EYS: variants seen among roughly 807,000 people sequenced by gnomAD.
The protein encoded by EYS is EGF-like photoreceptor maintenance factor.
EYS carries 250 observed loss-of-function variants against 282.1 expected under a neutral mutation model. The ratio of observed to expected loss-of-function variants is 0.89; its 90% CI spans 0.80 to 0.98. The LOEUF is 0.98. Ranked by LOEUF, EYS falls within the 50% of genes least tolerant of loss-of-function variation. EYS has a pLI of 0.00. For synonymous variants in EYS, 1,355 were observed against 1,282.9 expected, an observed-to-expected ratio of 1.06 and a Z score of -1.20; for missense variants, 4,016 against 3,709.0, an observed-to-expected ratio of 1.08 and a Z score of -2.15.
At chr6:63,729,552 T>A (rs1768728721) in intron 41 of EYS, among the ~76,000 whole-genome samples, 1 of 151,912 alleles carries the variant, frequency 6.6e-6, no homozygotes, top group Admixed American at 6.6e-5. Context: ...CATGTGGATG[T>A]CCATTTCTTC....
chr6:64,463,163 G>A (rs1775810522), intron 26 of EYS, among the ~76,000 whole-genome samples: 1 of 152,088 alleles, frequency 6.6e-6, no homozygotes, highest in East Asian at 1.9e-4. Flanking sequence ...GTGTTAGCCA[G>A]GATGGTCTCG....
At chr6:64,088,926 C>A (rs1772255766) in intron 31 of EYS, among the ~76,000 whole-genome samples, 1 of 151,930 alleles carries the variant, frequency 6.6e-6, no homozygotes, top group Non-Finnish European at 1.5e-5. Context: ...GCTACAAATA[C>A]AATGGGTCAC....
intron 33 of EYS, among the ~76,000 whole-genome samples, chr6:64,018,061 C>A (rs1768981413): frequency 6.6e-6 from 1 of 152,038 alleles, no homozygotes; most frequent in Non-Finnish European, 1.5e-5. Flanking sequence ...AACCTTGGTG[C>A]CAAGTTTATT....
intron 41 of EYS, among the ~76,000 whole-genome samples, chr6:63,739,931 C>T (rs1769030355): frequency 6.6e-6 from 1 of 150,698 alleles, no homozygotes; most frequent in African/African-American, 2.5e-5. Context: ...AACTCCTGAC[C>T]TCGTGATCCA....
intron 35 of EYS, among the ~76,000 whole-genome samples, chr6:63,923,947 C>A (rs1764643650): frequency 6.6e-6 from 1 of 152,018 alleles, no homozygotes; most frequent in South Asian, 2.1e-4. Context: ...ATCTTAATTT[C>A]TAGAATCTGA....
intron 1 of EYS, among the ~76,000 whole-genome samples, chr6:65,663,331 T>C (rs1768071430): frequency 6.6e-6 from 1 of 152,130 alleles, no homozygotes; most frequent in East Asian, 1.9e-4. Flanking sequence ...CTTAGAAAGA[T>C]TGTTAGAGCC....
At chr6:64,987,912 G>T (rs1770915983) in intron 14 of EYS, among the ~76,000 whole-genome samples, 1 of 151,270 alleles carries the variant, frequency 6.6e-6, no homozygotes, top group Admixed American at 6.6e-5. Context: ...TAATACACTT[G>T]TGTTTAATAT....
chr6:65,320,074 G>C (rs561666665), intron 11 of EYS, among the ~76,000 whole-genome samples: 2 of 151,952 alleles, frequency 1.3e-5, no homozygotes, highest in Admixed American at 1.3e-4. Context: ...AGGAGATGGG[G>C]AAGAACTGAC....
chr6:64,219,843 A>G (rs945200749), intron 31 of EYS, among the ~76,000 whole-genome samples: 10 of 152,214 alleles, frequency 6.6e-5, no homozygotes, highest in Non-Finnish European at 1.3e-4. Context: ...ATGGAACACT[A>G]TGCAGCCATA....
intron 13 of EYS, among the ~76,000 whole-genome samples, chr6:65,011,094 C>G (rs1173432526): frequency 6.6e-6 from 1 of 152,188 alleles, no homozygotes. Context: ...GAATGGGGAA[C>G]CTCACAAGGA....
intron 12 of EYS, among the ~76,000 whole-genome samples, chr6:65,221,400 C>A (rs543107882): frequency 6.6e-6 from 1 of 152,274 alleles, no homozygotes; most frequent in East Asian, 1.9e-4. Flanking sequence ...TGCCCTATGT[C>A]CCAGGTGTGG....
chr6:63,927,215 A>T (rs1764741609), intron 35 of EYS, among the ~76,000 whole-genome samples: 1 of 152,206 alleles, frequency 6.6e-6, no homozygotes, highest in South Asian at 2.1e-4. Context: ...TATTTTTAGG[A>T]ATAAACGAGA....
At chr6:64,761,725 G>C (rs1773166212) in intron 22 of EYS, among the ~76,000 whole-genome samples, 1 of 152,168 alleles carries the variant, frequency 6.6e-6, no homozygotes, top group Non-Finnish European at 1.5e-5. Context: ...AAAGTGCTGG[G>C]ATTACAGGCG....
intron 31 of EYS, among the ~76,000 whole-genome samples, chr6:64,178,872 T>C (rs1456666815): frequency 6.6e-6 from 1 of 152,048 alleles, no homozygotes; most frequent in East Asian, 1.9e-4. Flanking sequence ...TAAACCAAGT[T>C]TGGCCTCCAA....
intron 12 of EYS, among the ~76,000 whole-genome samples, chr6:65,193,565 G>A (rs1765694163): frequency 6.6e-6 from 1 of 151,656 alleles, no homozygotes; most frequent in Non-Finnish European, 1.5e-5. Flanking sequence ...AACAAGTTCT[G>A]TATATAAGCT....
At chr6:63,833,001 T>C (rs568152229) in intron 36 of EYS, among the ~76,000 whole-genome samples, 1 of 152,198 alleles carries the variant, frequency 6.6e-6, no homozygotes, top group East Asian at 1.9e-4. Context: ...AAAAGGCCTT[T>C]GACAAAATTC....
chr6:64,617,799 A>G (rs1767323340), intron 23 of EYS, among the ~76,000 whole-genome samples: 1 of 152,176 alleles, frequency 6.6e-6, no homozygotes. Flanking sequence ...GAGTACATGT[A>G]TGATATGTCT....
intron 12 of EYS, among the ~76,000 whole-genome samples, chr6:65,111,783 G>A (rs1266242044): frequency 6.6e-6 from 1 of 152,146 alleles, no homozygotes; most frequent in Non-Finnish European, 1.5e-5. Flanking sequence ...GGAGGTGGAG[G>A]TTACAGTGAT....
intron 12 of EYS, among the ~76,000 whole-genome samples, chr6:65,263,808 G>C (rs1211796906): frequency 6.6e-6 from 1 of 151,712 alleles, no homozygotes; most frequent in Non-Finnish European, 1.5e-5. Flanking sequence ...GGCAGAGGCA[G>C]GACGGTCACT....
Sources: allele counts gnomAD v4.1 joint callset (sites outside exome capture counted in the v4.1 genomes callset), GRCh38; gene constraint gnomAD v4.1.1; transcripts MANE v1.5; gene names NCBI Gene and HGNC (gene_info 2026-07-23, HGNC 2026-07-21).